Variants in MFHAS1 observed in about 807,000 individuals in gnomAD.
The protein encoded by MFHAS1 is malignant fibrous histiocytoma-amplified sequence 1.
Under a neutral mutation model 70.4 loss-of-function variants are expected in MFHAS1, and 50 were observed. That is an observed-to-expected ratio of 0.71 (90% confidence interval 0.57 to 0.90). The LOEUF is 0.90. MFHAS1 is among the 40% of genes least tolerant of loss of function. MFHAS1 has a pLI of 0.00. For synonymous variants in MFHAS1, 952 were observed against 620.0 expected, an observed-to-expected ratio of 1.54 and a Z score of -7.96; for missense variants, 1,795 against 1,347.6, an observed-to-expected ratio of 1.33 and a Z score of -5.20.
chr8:8,801,483 C>G (rs765759185), intron 1 of MFHAS1, among the ~76,000 whole-genome samples: 2 of 152,312 alleles, frequency 1.3e-5, no homozygotes, highest in Admixed American at 6.5e-5. Flanking sequence ...TTTGTATACT[C>G]CAACAACCTA....
At chr8:8,867,019 AAGAG>A (rs954424294) in intron 1 of MFHAS1, among the ~76,000 whole-genome samples, 5 of 152,210 alleles carry the variant, frequency 3.3e-5, no homozygotes, top group Non-Finnish European at 7.3e-5. Flanking sequence ...AAAAAAAAGA[AAGAG>A]AAAGAGAGAT....
chr8:8,808,808 A>C (rs1461899135), intron 1 of MFHAS1, among the ~76,000 whole-genome samples: 1 of 152,214 alleles, frequency 6.6e-6, no homozygotes, highest in Non-Finnish European at 1.5e-5. Context: ...TTCAGGATCC[A>C]GTAGGGTACT....
rs939870874 is a variant in MFHAS1 at position 8,851,990 on chromosome 8, C to T, written c.2998+38071G>A. On this transcript the variant is annotated intron_variant, in intron 1 of 2. Transcript: ENST00000276282. The stretch of plus-strand genomic sequence containing the variant: ...GGATCCCTAATAAGGACAGAGCGCT[C>T]CCTCAGGAACAGCGATGCCAAGCCC... 5.3e-5 allele frequency among the ~76,000 whole-genome samples: 8 copies of T among 152,224 alleles called. No homozygotes were observed. The South Asian group carries it at 6.3e-4, about 12-fold the overall frequency.
intron 1 of MFHAS1, among the ~76,000 whole-genome samples, chr8:8,870,290 CAAAAAAAAA>C (rs61229252): frequency 8.8e-6 from 1 of 113,118 alleles, no homozygotes; most frequent in Non-Finnish European, 1.9e-5. Context: ...CCTGTCTCTA[CAAAAAAAAA>C]AAAAAAAAAA....
At chr8:8,881,897 G>C (rs531076059) in intron 1 of MFHAS1, among the ~76,000 whole-genome samples, 7 of 151,942 alleles carry the variant, frequency 4.6e-5, no homozygotes, top group African/African-American at 9.7e-5. Context: ...CTCAAGGCCA[G>C]GTGGTAGAAG....
At chr8:8,884,761 C>T (rs59934392) in intron 1 of MFHAS1, among the ~76,000 whole-genome samples, 4,300 of 152,214 alleles carry the variant, frequency 0.028, 134 homozygotes, top group East Asian at 0.14. Flanking sequence ...CCAGCCTGAG[C>T]AACACAGCGA....
At chr8:8,845,371 T>C (rs1807994148) in intron 1 of MFHAS1, among the ~76,000 whole-genome samples, 1 of 152,206 alleles carries the variant, frequency 6.6e-6, no homozygotes, top group South Asian at 2.1e-4. Context: ...ATCATATTCC[T>C]TTTCAGTAAT....
intron 1 of MFHAS1, among the ~76,000 whole-genome samples, chr8:8,869,911 T>C (rs1180194578): frequency 2.0e-5 from 3 of 152,132 alleles, no homozygotes; most frequent in African/African-American, 7.2e-5. Flanking sequence ...GGGCCTCTAT[T>C]GTTTATTATT....
chr8:8,870,327 T>C (rs1408642371), intron 1 of MFHAS1, among the ~76,000 whole-genome samples: 4 of 147,838 alleles, frequency 2.7e-5, no homozygotes, highest in Non-Finnish European at 4.5e-5. Context: ...TAGCCAGACA[T>C]GGTGGCACGC....
At chr8:8,852,767 T>C (rs533137692) in intron 1 of MFHAS1, among the ~76,000 whole-genome samples, 1 of 152,276 alleles carries the variant, frequency 6.6e-6, no homozygotes. Context: ...AGAGAAAGCA[T>C]CCCACCATGC....
chr8:8,893,151 C>T lies in MFHAS1; in HGVS notation c.-93G>A, dbSNP rs1810165394. On this transcript the variant is annotated 5_prime_UTR_variant, in exon 1 of 3. Coordinates refer to ENST00000276282, the MANE Select transcript of MFHAS1 (RefSeq NM_004225.3). ...CGGGCCCTCCGGCTCCTGCCCCTGC[C>T]TGCCCTCCCGCGCTCGGCGGCCGGC... 1 of 854,074 alleles carries T rather than the reference C, an allele frequency of 1.2e-6. No homozygotes were observed. The highest frequency in any genetic ancestry group is 1.8e-5 in the African/African-American group (1 of 55,812). The allele number at this position is 854,074 out of a possible 1,614,324, so 52.9% of individuals were successfully genotyped here.
At chr8:8,796,275 G>A (rs993460407) in intron 2 of MFHAS1, among the ~76,000 whole-genome samples, 1 of 152,230 alleles carries the variant, frequency 6.6e-6, no homozygotes, top group South Asian at 2.1e-4. Flanking sequence ...GACTGACTCC[G>A]CAATCAGAAC....
intron 2 of MFHAS1, chr8:8,790,495 G>A (rs1255755115): frequency 2.3e-6 from 1 of 431,318 alleles, no homozygotes; most frequent in African/African-American, 2.1e-5. Flanking sequence ...AATAATTAAA[G>A]AAACACAATT....
intron 1 of MFHAS1, among the ~76,000 whole-genome samples, chr8:8,889,039 A>AC (rs1425939112): frequency 1.3e-5 from 2 of 151,720 alleles, no homozygotes; most frequent in Admixed American, 1.3e-4. Context: ...TCAAAAAAAA[A>AC]AAAAACAAAA....
At chr8:8,837,339 A>G (rs1371367228) in intron 1 of MFHAS1, among the ~76,000 whole-genome samples, 2 of 152,180 alleles carry the variant, frequency 1.3e-5, no homozygotes, top group African/African-American at 4.8e-5. Flanking sequence ...AGAACATCCA[A>G]TAAGTACATA....
chr8:8,807,064 T>C (rs555225969), intron 1 of MFHAS1, among the ~76,000 whole-genome samples: 1 of 152,162 alleles, frequency 6.6e-6, no homozygotes, highest in Non-Finnish European at 1.5e-5. Flanking sequence ...CCTCAAAATA[T>C]GGCACCTGAG....
At chr8:8,804,503 C>T (rs573900375) in intron 1 of MFHAS1, among the ~76,000 whole-genome samples, 55 of 152,356 alleles carry the variant, frequency 3.6e-4, no homozygotes, top group African/African-American at 1.2e-3. Context: ...AGAGTACAAT[C>T]GGTAGGGTAA....
At chr8:8,793,020 A>C (rs1178037588) in intron 2 of MFHAS1, among the ~76,000 whole-genome samples, 2 of 152,230 alleles carry the variant, frequency 1.3e-5, no homozygotes, top group African/African-American at 4.8e-5. Flanking sequence ...AAGGGGGAGA[A>C]GAAGCCACTC....
chr8:8,863,226 T>C (rs1375356690), intron 1 of MFHAS1, among the ~76,000 whole-genome samples: 2 of 152,240 alleles, frequency 1.3e-5, no homozygotes, highest in Non-Finnish European at 2.9e-5. Context: ...TTAATTACTA[T>C]AGCCGGAAAG....
Sources: allele counts gnomAD v4.1 joint callset (sites outside exome capture counted in the v4.1 genomes callset), GRCh38; gene constraint gnomAD v4.1.1; transcripts MANE v1.5; gene names NCBI Gene and HGNC (gene_info 2026-07-23, HGNC 2026-07-21).